Variants in MAP3K6 observed in about 807,000 individuals in gnomAD.
MAP3K6 encodes the protein apoptosis signal-regulating kinase 2.
In MAP3K6, 105 loss-of-function variants were observed where a neutral mutation model predicts 147.1. The observed-to-expected ratio is 0.71, with a 90% CI of 0.61 to 0.84. MAP3K6 has a LOEUF of 0.84. MAP3K6 is among the 40% of genes least tolerant of loss of function. The pLI is 0.00. For synonymous variants in MAP3K6, 695 were observed against 732.4 expected (o/e 0.95, Z 0.82); for missense variants, 1,569 against 1,715.0 (o/e 0.91, Z 1.50).
At position 27,364,389 on chromosome 1, in the gene MAP3K6, G is replaced by T; in HGVS notation, c.510C>A (p.Cys170Ter). 1 of 1,613,812 alleles carries T rather than the reference G, an allele frequency of 6.2e-7. No homozygotes were observed. The highest frequency in any genetic ancestry group is 8.5e-7 in the Non-Finnish European group (1 of 1,179,890). The change falls in exon 4 of 29, where the codon TGC becomes TGA. Residue 170 changes from cysteine to a stop codon, truncating the protein, a stop_gained. Coordinates refer to ENST00000357582, the MANE Select transcript of MAP3K6 (RefSeq NM_004672.5). LOFTEE classifies it high-confidence loss of function. The surrounding 1 kb of genome is among the most constrained non-coding windows in gnomAD (Gnocchi z 4.4). ...AGGGGATCAGTGTGTAGCTGCCAAC[G>T]CAATCCTGGTGGGAGGGAGGCAGGA... The part of the protein sequence containing the change: ...REDVFQKNSD[C>*]VGSYTLIPYV...
In MAP3K6 at chr1:27,356,039, C is replaced by G. The variant is rs17162549; in HGVS notation, c.3698G>C (p.Gly1233Ala). ...QWLQELNVDS[G>A]TIQMLLNHSF... ...TCCCCGACTCACCATTTGGATGGTGCCTGAATCCACATTCAGTTCCTGTAG... is the reference window on the plus strand; with the variant it reads ...TCCCCGACTCACCATTTGGATGGTGGCTGAATCCACATTCAGTTCCTGTAG... Residue 1233 changes from glycine to alanine, a missense_variant, in exon 27 of 29, where the codon GGC becomes GCC. Physicochemically the swap from Gly to Ala is moderately conservative, Grantham distance 60. Coordinates refer to ENST00000357582, the MANE Select transcript of MAP3K6 (RefSeq NM_004672.5). 0.044 allele frequency: 70,310 copies of G among 1,613,976 alleles called. 3,011 individuals carry two copies. Among genetic ancestry groups the G allele is most frequent in the African/African-American group, 0.22 (16,515 of 74,988 alleles).
rs72882742 is a variant in MAP3K6 at position 27,364,178 on chromosome 1, G to C, written c.695+26C>G. ...ATACCCTCACCAGCCCCCTCCTGGA[G>C]CACCCTCCCTGGGGGCCTTCATTAC... On this transcript the variant is annotated intron_variant, in intron 4 of 28. Transcript: ENST00000357582. The surrounding 1 kb of genome is among the most constrained non-coding windows in gnomAD (Gnocchi z 4.4). 2.5e-6 allele frequency: 4 copies of C among 1,603,422 alleles called. No homozygotes were observed. The highest frequency in any genetic ancestry group is 3.4e-6 in the Non-Finnish European group (4 of 1,174,990).
At chr1:27,363,088 C>G in intron 6 of MAP3K6, 67 bp from the exon 7 acceptor site, 1 of 1,450,260 alleles carries the variant, frequency 6.9e-7, no homozygotes, top group Non-Finnish European at 9.3e-7. Context: ...GACCTCTAGA[C>G]ACTGAACCAG....
chr1:27,361,110 C>G (rs775222948), intron 13 of MAP3K6, 47 bp downstream of exon 13: 25 of 1,553,988 alleles, frequency 1.6e-5, no homozygotes, highest in South Asian at 2.4e-5. Context: ...CACTCCCCCC[C>G]GGGCATCCTG....
rs575195202 is a variant in MAP3K6, at chr1:27,355,825, G to T, written c.3712-80C>A. 16 of 1,372,050 alleles carry T rather than the reference G, an allele frequency of 1.2e-5. No homozygotes were observed. In the South Asian group the frequency reaches 1.9e-4, roughly 16 times the overall value. The allele number at this position is 1,372,050 out of a possible 1,614,324, so 85.0% of individuals were successfully genotyped here. ...GTGTCGAGACCCAGGTACTAGCTCT[G>T]CTCTGTTGCCAAAATAATGAGGCAG... On this transcript the variant is annotated intron_variant, in intron 27 of 28. Transcript: ENST00000357582.
chr1:27,356,891 C>A (rs1185549589), intron 24 of MAP3K6, 118 bp downstream of exon 24: 3 of 1,406,106 alleles, frequency 2.1e-6, no homozygotes, highest in Non-Finnish European at 2.9e-6. Context: ...AGTCACGCCC[C>A]CACCGGCGCC....
At position 27,360,850 on chromosome 1, in the gene MAP3K6, G is replaced by T. The variant is rs770486161; in HGVS notation, c.1921-12C>A. 7 of 1,612,238 alleles carry T rather than the reference G, an allele frequency of 4.3e-6. No homozygotes were observed. The highest frequency in any genetic ancestry group is 5.9e-6 in the Non-Finnish European group (7 of 1,179,684). On this transcript the variant is annotated splice_polypyrimidine_tract_variant and intron_variant, in intron 14 of 28. Coordinates refer to ENST00000357582, the MANE Select transcript of MAP3K6 (RefSeq NM_004672.5). This position sits in a 1 kb window ranked among gnomAD's most constrained non-coding sequence, Gnocchi z 4.5. ...TACTCATAATCAAACTGCCGGGCGC[G>T]GGGTGAGATGGGAGTTCAGCAGGGC...
chr1:27,359,139 AT>A lies in MAP3K6; in HGVS notation c.2426-274del, dbSNP rs1338813458. 6.6e-6 allele frequency among the ~76,000 whole-genome samples: 1 copy of A among 152,072 alleles called. No homozygotes were observed. Among genetic ancestry groups the A allele is most frequent in the African/African-American group, 2.4e-5 (1 of 41,374 alleles). ...AGTAGTGCTCCAGCACACATCCTGGATTGCCTCGTCCCCCTGAACTCCATCA... is the reference window on the plus strand; with the variant it reads ...AGTAGTGCTCCAGCACACATCCTGGATGCCTCGTCCCCCTGAACTCCATCA... On this transcript the variant is annotated intron_variant, in intron 18 of 28. Transcript: ENST00000357582. This position sits in a 1 kb window ranked among gnomAD's most constrained non-coding sequence, Gnocchi z 4.4.
chr1:27,357,183 G>T, intron 23 of MAP3K6, 69 bp from the exon 24 acceptor site: 1 of 1,459,642 alleles, frequency 6.9e-7, no homozygotes, highest in Non-Finnish European at 9.6e-7. Context: ...AGTTGGAAAG[G>T]CCTAGAAAGT....
In MAP3K6 at chr1:27,358,690, A is replaced by G; in HGVS notation, c.2583+19T>C. The G allele has an allele frequency of 6.2e-7, 1 of 1,613,668 alleles. No homozygotes were observed. The highest frequency in any genetic ancestry group is 1.1e-5 in the South Asian group (1 of 91,090). On this transcript the variant is annotated intron_variant, in intron 19 of 28. Coordinates refer to ENST00000357582, the MANE Select transcript of MAP3K6 (RefSeq NM_004672.5). This position sits in a 1 kb window ranked among gnomAD's most constrained non-coding sequence, Gnocchi z 6.2. ...TGGCCCTATGCCACTTCCATGGGCC[A>G]GGCCCAAAGAGGTCTCACCTGAAAC...
In MAP3K6 at chr1:27,364,911, A is replaced by G. The variant is rs767046994; in HGVS notation, c.342T>C (p.Asp114=). The change falls in exon 2 of 29, where the codon GAT becomes GAC. Residue 114 remains aspartate, a splice_region_variant and synonymous_variant. Transcript: ENST00000357582. The surrounding 1 kb of genome is among the most constrained non-coding windows in gnomAD (Gnocchi z 4.4). ...TAALDAFYNA[D]VVVLEVSSSL... is the part of the protein sequence containing the mutation. ...AGCTGCTCACCTCCAGCACCACCAC[A>G]TCTGCAGGCACAGAGGGGGTGGCGC... is the stretch of plus-strand genomic sequence containing the variant. The G allele has an allele frequency of 1.3e-6, 2 of 1,583,094 alleles. No homozygotes were observed. The highest frequency in any genetic ancestry group is 1.7e-6 in the Non-Finnish European group (2 of 1,160,398).
Position 27,364,518 on chromosome 1 carries a change from G to A in MAP3K6, c.505-124C>T. 1.3e-6 allele frequency: 2 copies of A among 1,535,020 alleles called. No individual in the cohort carries two copies. Among genetic ancestry groups the A allele is most frequent in the Admixed American group, 1.7e-5 (1 of 59,332 alleles). The stretch of plus-strand genomic sequence containing the variant: ...ATCGCAGGAAAGGGGCACCCGTCAT[G>A]AGAGGAGGCAACAGGAAACAGAGGA... On this transcript the variant is annotated intron_variant, in intron 3 of 28. Coordinates refer to ENST00000357582, the MANE Select transcript of MAP3K6 (RefSeq NM_004672.5). This position sits in a 1 kb window ranked among gnomAD's most constrained non-coding sequence, Gnocchi z 4.4.
At position 27,359,834 on chromosome 1, in the gene MAP3K6, G is replaced by A. The variant is rs1443853552; in HGVS notation, c.2319+24C>T. 1 of 1,613,724 alleles carries A rather than the reference G, an allele frequency of 6.2e-7. No individual in the cohort carries two copies. Among genetic ancestry groups the A allele is most frequent in the East Asian group, 2.2e-5 (1 of 44,880 alleles). ...CTTCCCCGCCACCCTCAGCAGATGA[G>A]GGCGGGCCAGCCCCAGGGCTTACTT... On this transcript the variant is annotated intron_variant, in intron 17 of 28. Coordinates refer to ENST00000357582, the MANE Select transcript of MAP3K6 (RefSeq NM_004672.5). The surrounding 1 kb of genome is among the most constrained non-coding windows in gnomAD (Gnocchi z 4.4).
chr1:27,358,718 G>C lies in MAP3K6; in HGVS notation c.2574C>G (p.Ala858=). Residue 858 remains alanine (A), a synonymous_variant, in exon 19 of 29, where the codon GCC becomes GCG. Transcript: ENST00000357582. This position sits in a 1 kb window ranked among gnomAD's most constrained non-coding sequence, Gnocchi z 6.2. ...CCCAAAGAGGTCTCACCTGAAACAT[G>C]GCAGCCTGTGGGCTCCCGAGCTCGT... ...PFHELGSPQA[A]MFQVGMYKVH... The C allele has an allele frequency of 6.2e-7, 1 of 1,613,810 alleles. No homozygotes were observed. The highest frequency in any genetic ancestry group is 1.1e-5 in the South Asian group (1 of 91,086).
At chr1:27,362,545 T>A in intron 8 of MAP3K6, 96 bp downstream of exon 8, 2 of 983,682 alleles carry the variant, frequency 2.0e-6, no homozygotes, top group Non-Finnish European at 3.0e-6. Flanking sequence ...GATGAGCTCA[T>A]CCTAGCTCTT....
Position 27,358,049 on chromosome 1 carries a change from G to A in MAP3K6, c.2915+132C>T. The A allele has an allele frequency of 6.7e-7, 1 of 1,498,358 alleles. No individual in the cohort carries two copies. Among genetic ancestry groups the A allele is most frequent in the Non-Finnish European group, 8.9e-7 (1 of 1,124,062 alleles). The allele number at this position is 1,498,358 out of a possible 1,614,324, so 92.8% of individuals were successfully genotyped here. Reference sequence around the variant, plus strand: ...GTCCAAGTTAGAGTTGCCAGAACAGGGCATGGGGAGGCACCAAATGCCACA... The same window carrying A: ...GTCCAAGTTAGAGTTGCCAGAACAGAGCATGGGGAGGCACCAAATGCCACA... On this transcript the variant is annotated intron_variant, in intron 21 of 28. Transcript: ENST00000357582. The surrounding 1 kb of genome is among the most constrained non-coding windows in gnomAD (Gnocchi z 6.2).
In MAP3K6 at chr1:27,364,615, G is replaced by C; in HGVS notation, c.504+46C>G. The C allele has an allele frequency of 6.2e-7, 1 of 1,613,936 alleles. No homozygotes were observed. Among genetic ancestry groups the C allele is most frequent in the Non-Finnish European group, 8.5e-7 (1 of 1,179,768 alleles). ...GGATTAGTGGAGGTCAGAGGTCATA[G>C]CGGAAGTCAAAGGGCACTTTTGAGT... On this transcript the variant is annotated intron_variant, in intron 3 of 28. Transcript: ENST00000357582. The surrounding 1 kb of genome is among the most constrained non-coding windows in gnomAD (Gnocchi z 4.4).
intron 8 of MAP3K6, among the ~76,000 whole-genome samples, 155 bp downstream of exon 8, chr1:27,362,486 A>G (rs986144994): frequency 6.6e-6 from 1 of 152,096 alleles, no homozygotes; most frequent in African/African-American, 2.4e-5. Context: ...GAGGGCCCAG[A>G]ACAGGTATGA....
Position 27,360,685 on chromosome 1 carries a change from C to T in MAP3K6, c.2054+20G>A. 1 of 1,604,072 alleles carries T rather than the reference C, an allele frequency of 6.2e-7. No homozygotes were observed. The highest frequency in any genetic ancestry group is 8.5e-7 in the Non-Finnish European group (1 of 1,175,492). ...GCCCTCGCGAGCCCTCAGCCCCACC[C>T]GCGCTGCCACGCACCGCACCTGCTG... On this transcript the variant is annotated intron_variant, in intron 15 of 28. Coordinates refer to ENST00000357582, the MANE Select transcript of MAP3K6 (RefSeq NM_004672.5). The surrounding 1 kb of genome is among the most constrained non-coding windows in gnomAD (Gnocchi z 4.5).
Sources: allele counts gnomAD v4.1 joint callset (sites outside exome capture counted in the v4.1 genomes callset), GRCh38; gene constraint gnomAD v4.1.1; non-coding constraint Gnocchi (gnomAD v3.1); transcripts MANE v1.5; gene names NCBI Gene and HGNC (gene_info 2026-07-23, HGNC 2026-07-21).